Variants in RAD23B observed in about 807,000 individuals in gnomAD.
RAD23B encodes the protein RAD23 nucleotide excision repair protein B.
In RAD23B, 5 loss-of-function variants were observed where a neutral mutation model predicts 49.1. The ratio of observed to expected loss-of-function variants is 0.10; its 90% CI spans 0.05 to 0.21. The LOEUF (loss-of-function observed/expected upper bound fraction) is 0.21, where lower values mean the gene tolerates loss of function less well. Ranked by LOEUF, RAD23B falls within the 10% of genes least tolerant of loss-of-function variation. The pLI, the probability that RAD23B is intolerant of heterozygous loss-of-function variation, is 1.00. For missense variants in RAD23B, 356 were observed against 486.7 expected (o/e 0.73, Z 2.53); for synonymous variants, 184 against 165.4 (o/e 1.11, Z -0.86).
chr9:107,304,048 C>T (rs1180740468), intron 3 of RAD23B, among the ~76,000 whole-genome samples: 2 of 151,820 alleles, frequency 1.3e-5, no homozygotes, highest in Admixed American at 6.6e-5. Context: ...TAGAGGACAA[C>T]TATGAAAAGG....
chr9:107,284,507 C>G (rs756502608), intron 1 of RAD23B, among the ~76,000 whole-genome samples: 3 of 151,852 alleles, frequency 2.0e-5, no homozygotes, highest in Non-Finnish European at 2.9e-5. Flanking sequence ...AAACAAAAAA[C>G]AACAACTTTG....
intron 1 of RAD23B, among the ~76,000 whole-genome samples, chr9:107,284,362 C>T (rs1282635072): frequency 6.6e-6 from 1 of 152,018 alleles, no homozygotes; most frequent in African/African-American, 2.4e-5. Flanking sequence ...TCACAGCCAT[C>T]CAGGCTCAAA....
At chr9:107,310,729 G>A (rs1471887177) in intron 4 of RAD23B, among the ~76,000 whole-genome samples, 1 of 152,152 alleles carries the variant, frequency 6.6e-6, no homozygotes, top group Non-Finnish European at 1.5e-5. Context: ...CTTATTGGGT[G>A]TTACGATGCC....
intron 8 of RAD23B, 128 bp from the exon 9 acceptor site, chr9:107,324,706 A>T: frequency 1.1e-6 from 1 of 924,514 alleles, no homozygotes; most frequent in African/African-American, 1.7e-5. Flanking sequence ...AAGACTGAAT[A>T]ATCCAGAATC....
chr9:107,329,672 A>T lies in RAD23B; in HGVS notation c.*16A>T. On this transcript the variant is annotated 3_prime_UTR_variant, in exon 10 of 10. Transcript: ENST00000358015. ...TGAAGATTGAAAGGGACTTTTTTATATCTCACACTTCACACCAGTGCATTA... is the reference window on the plus strand; with the variant it reads ...TGAAGATTGAAAGGGACTTTTTTATTTCTCACACTTCACACCAGTGCATTA... 1 of 1,535,718 alleles carries T rather than the reference A, an allele frequency of 6.5e-7. No homozygotes were observed. The highest frequency in any genetic ancestry group is 9.0e-7 in the Non-Finnish European group (1 of 1,109,532).
intron 1 of RAD23B, among the ~76,000 whole-genome samples, chr9:107,296,684 A>G (rs1980725): frequency 0.74 from 112,337 of 151,128 alleles, 42,683 homozygotes; most frequent in African/African-American, 0.92. Flanking sequence ...ACAGGCGTGC[A>G]CCACCATGCC....
At chr9:107,286,263 A>G (rs757303937) in intron 1 of RAD23B, among the ~76,000 whole-genome samples, 7 of 152,196 alleles carry the variant, frequency 4.6e-5, no homozygotes, top group Non-Finnish European at 8.8e-5. Context: ...TTGAACAAGT[A>G]AATGTTTAGT....
At chr9:107,293,435 C>T (rs945807721) in intron 1 of RAD23B, among the ~76,000 whole-genome samples, 1 of 152,204 alleles carries the variant, frequency 6.6e-6, no homozygotes, top group East Asian at 1.9e-4. Flanking sequence ...TCTTAGTACA[C>T]TGCCTGGCAT....
chr9:107,284,327 T>C (rs1488370817), intron 1 of RAD23B: 52 of 669,206 alleles, frequency 7.8e-5, no homozygotes, highest in Non-Finnish European at 8.1e-5. Context: ...GCCTCTTTGG[T>C]GATGGTTTTA....
At chr9:107,299,832 A>G (rs774330146) in intron 1 of RAD23B, among the ~76,000 whole-genome samples, 58 of 152,172 alleles carry the variant, frequency 3.8e-4, no homozygotes, top group Non-Finnish European at 3.1e-4. Context: ...CTCCGTGGGA[A>G]ATAAACCCAT....
At chr9:107,284,741 A>G (rs1833240477) in intron 1 of RAD23B, 1 of 1,121,122 alleles carries the variant, frequency 8.9e-7, no homozygotes, top group South Asian at 2.2e-5. Context: ...CTCTATTTTT[A>G]AAAGTAGTTG....
intron 7 of RAD23B, 119 bp downstream of exon 7, chr9:107,322,237 G>A (rs1004947369): frequency 1.2e-5 from 15 of 1,249,684 alleles, no homozygotes; most frequent in Non-Finnish European, 1.6e-5. Flanking sequence ...AATTCGTTAA[G>A]TTCTCTCTTC....
chr9:107,286,720 A>G (rs544829448), intron 1 of RAD23B, among the ~76,000 whole-genome samples: 1 of 152,176 alleles, frequency 6.6e-6, no homozygotes, highest in Non-Finnish European at 1.5e-5. Flanking sequence ...TAAGTAGCCT[A>G]CATATTAAAG....
chr9:107,313,638 T>C (rs1329902513), intron 5 of RAD23B, among the ~76,000 whole-genome samples: 1 of 152,184 alleles, frequency 6.6e-6, no homozygotes, highest in African/African-American at 2.4e-5. Flanking sequence ...CCATATACTA[T>C]ATAGATTCCC....
chr9:107,294,353 A>G (rs1833445945), intron 1 of RAD23B, among the ~76,000 whole-genome samples: 1 of 152,204 alleles, frequency 6.6e-6, no homozygotes, highest in Admixed American at 6.5e-5. Context: ...TTATTTATGT[A>G]GTGGGAAATG....
rs1341580922 is a variant in RAD23B, at chr9:107,321,901, A to G, written c.682-82A>G. On this transcript the variant is annotated intron_variant, in intron 6 of 9. Coordinates refer to ENST00000358015, the MANE Select transcript of RAD23B (RefSeq NM_002874.5). ...GCTTTTGAAAATCAAACAAGATGTT[A>G]AATAGACTATAAATCTTTTACTCTG... 1.6e-5 allele frequency: 21 copies of G among 1,316,614 alleles called. No homozygotes were observed. In the East Asian group the frequency reaches 5.9e-4, roughly 37 times the overall value. The allele number at this position is 1,316,614 out of a possible 1,614,324, so 81.6% of individuals were successfully genotyped here. A position where few individuals can be genotyped will look rare whatever the true frequency, so the allele number is the denominator to read the frequency against.
chr9:107,325,549 T>G (rs190580240), intron 9 of RAD23B, among the ~76,000 whole-genome samples: 3 of 152,328 alleles, frequency 2.0e-5, no homozygotes, highest in African/African-American at 7.2e-5. Flanking sequence ...GACTGTTCAT[T>G]GCTAACTATA....
chr9:107,296,648 C>G (rs1008334895), intron 1 of RAD23B, among the ~76,000 whole-genome samples: 1 of 151,996 alleles, frequency 6.6e-6, no homozygotes, highest in Admixed American at 6.6e-5. Flanking sequence ...CTCACTGCAG[C>G]CTCAGCCTCC....
chr9:107,287,569 A>G (rs1273036681), intron 1 of RAD23B, among the ~76,000 whole-genome samples: 2 of 152,134 alleles, frequency 1.3e-5, no homozygotes, highest in Non-Finnish European at 2.9e-5. Flanking sequence ...GATTGTTATA[A>G]AATACTGCTT....
Sources: gnomAD v4.1 joint callset for allele counts (sites outside exome capture counted in the v4.1 genomes callset) on GRCh38, gnomAD v4.1.1 for gene constraint, MANE v1.5 for transcripts, NCBI Gene and HGNC (gene_info 2026-07-23, HGNC 2026-07-21) for gene names.